The following SLC7A11 variants were observed in gnomAD, a reference collection of about 807,000 sequenced individuals.
SLC7A11 encodes solute carrier family 7 member 11, also known as cystine/glutamate transporter.
In SLC7A11, 35 loss-of-function variants were observed where a neutral mutation model predicts 54.5. That is an observed-to-expected ratio of 0.64 (90% CI 0.49 to 0.85). The LOEUF is 0.85. Ranked by LOEUF, SLC7A11 falls within the 40% of genes least tolerant of loss-of-function variation. The pLI is 0.00. For synonymous variants in SLC7A11, 230 were observed against 225.2 expected (o/e 1.02, Z -0.19); for missense variants, 583 against 618.1 (o/e 0.94, Z 0.60).
At chr4:138,178,655 C>T (rs117055103) in intron 11 of SLC7A11, among the ~76,000 whole-genome samples, 1,628 of 152,172 alleles carry the variant, frequency 0.011, 23 homozygotes, top group East Asian at 0.037. Context: ...TATTCCAGAA[C>T]TTAAAGTAAA....
chr4:138,181,227 G>A (rs917356184), intron 9 of SLC7A11, among the ~76,000 whole-genome samples: 18 of 152,024 alleles, frequency 1.2e-4, no homozygotes, highest in East Asian at 1.9e-4. Context: ...AATGCTCTCC[G>A]GTGAGCTCTT....
intron 6 of SLC7A11, among the ~76,000 whole-genome samples, chr4:138,204,394 T>C (rs980284324): frequency 6.6e-6 from 1 of 152,066 alleles, no homozygotes; most frequent in African/African-American, 2.4e-5. Context: ...GCAGATACTG[T>C]TTGTATTTTT....
At chr4:138,194,281 C>T (rs1737079698) in intron 6 of SLC7A11, among the ~76,000 whole-genome samples, 1 of 152,108 alleles carries the variant, frequency 6.6e-6, no homozygotes, top group African/African-American at 2.4e-5. Flanking sequence ...CCCTCCCTCT[C>T]CTCTCCTCAG....
chr4:138,219,277 T>C lies in SLC7A11; in HGVS notation c.735A>G (p.Ala245=), dbSNP rs771530822. The C allele has an allele frequency of 3.8e-6, 6 of 1,587,730 alleles. No homozygotes were observed. In the African/African-American group the frequency reaches 4.0e-5, roughly 11 times the overall value. The change falls in exon 5 of 12, where the codon GCA becomes GCG. Residue 245 remains alanine (A), a synonymous_variant. Transcript: ENST00000280612. ...LPLAFYYGMY[A]YAGWFYLNFV... ...AGCTATCAACTTACCAGCCAGCATATGCATACATTCCATAATAAAAAGCCA... is the reference window on the plus strand; with the variant it reads ...AGCTATCAACTTACCAGCCAGCATACGCATACATTCCATAATAAAAAGCCA...
chr4:138,241,706 C>T, intron 1 of SLC7A11, 87 bp downstream of exon 1: 1 of 1,100,436 alleles, frequency 9.1e-7, no homozygotes. Context: ...CATCCATTCA[C>T]TCCTCAAAAA....
chr4:138,165,721 A>T lies in SLC7A11; in HGVS notation c.*6235T>A, dbSNP rs1251833425. 2.0e-5 allele frequency: 3 copies of T among 152,298 alleles called. No homozygotes were observed. The highest frequency in any genetic ancestry group is 3.9e-4 in the East Asian group (2 of 5,190). The allele number at this position is 152,298 out of a possible 1,614,324, so 9.4% of individuals were successfully genotyped here. ...ATTCTAGGAATTGTCCTAAAAGAGT[A>T]AAGTGTTGTTTCCTTTCTGAACATG... is the stretch of plus-strand genomic sequence containing the variant. On this transcript the variant is annotated 3_prime_UTR_variant, in exon 12 of 12. Transcript: ENST00000280612.
rs369541439 is a variant in SLC7A11 at position 138,177,061 on chromosome 4, T to C, written c.1444+2156A>G. ...TCTTTGGGGAAACAAAATCCAGATA[T>C]AAATATTAGTATAAGATCTAAAGAT... On this transcript the variant is annotated intron_variant, in intron 11 of 11. Transcript: ENST00000280612. The C allele has an allele frequency of 2.6e-5, 4 of 152,166 alleles. No homozygotes were observed. In the East Asian group the frequency reaches 7.7e-4, roughly 29 times the overall value. 9.4% of individuals were successfully genotyped at this position (152,166 alleles called of 1,614,324 possible).
At chr4:138,230,190 G>A (rs529088858) in intron 3 of SLC7A11, among the ~76,000 whole-genome samples, 72 of 152,176 alleles carry the variant, frequency 4.7e-4, no homozygotes, top group African/African-American at 1.5e-3. Context: ...ATGTTTTCAC[G>A]TATAAGTGGG....
Position 138,184,873 on chromosome 4 carries a change from T to G in SLC7A11, c.915+248A>C, listed in dbSNP as rs77562268. On this transcript the variant is annotated intron_variant, in intron 7 of 11. Coordinates refer to ENST00000280612, the MANE Select transcript of SLC7A11 (RefSeq NM_014331.4). ...CTGGGAGAATAAGCTTTGGCAGATT[T>G]TCAAGCATGTATGTGTGAAACTGTT... Among the ~76,000 whole-genome samples the G allele has an allele frequency of 5.5e-3, 844 of 152,276 alleles. 4 individuals are homozygous for G. The highest frequency in any genetic ancestry group is 0.017 in the Middle Eastern group (5 of 294).
Position 138,171,806 on chromosome 4 carries a change from T to C in SLC7A11, c.*150A>G. 1 of 977,980 alleles carries C rather than the reference T, an allele frequency of 1.0e-6. No homozygotes were observed. The highest frequency in any genetic ancestry group is 1.7e-5 in the African/African-American group (1 of 58,246). 60.6% of individuals were successfully genotyped at this position (977,980 alleles called of 1,614,324 possible). A position where few individuals can be genotyped will look rare whatever the true frequency, so the allele number is the denominator to read the frequency against. ...TATAACTAAATTTCTTAGAAATTAG[T>C]TCGAATATGCTAAAATATATGAATA... On this transcript the variant is annotated 3_prime_UTR_variant, in exon 12 of 12. Transcript: ENST00000280612.
In SLC7A11 at chr4:138,223,284, G is replaced by A. The variant is rs751386859; in HGVS notation, c.561C>T (p.Ser187=). The change falls in exon 4 of 12, where the codon AGC becomes AGT. Residue 187 remains serine, a synonymous_variant. Transcript: ENST00000280612. ...AGGTTAAGAAAATCTGGATCCGGGC[G>A]CTCCAGCTGACACTCATGCTATTTA... The part of the protein sequence containing the change: ...MVLNSMSVSW[S]ARIQIFLTFC... 4 of 1,613,522 alleles carry A rather than the reference G, an allele frequency of 2.5e-6. No homozygotes were observed. Among genetic ancestry groups the A allele is most frequent in the East Asian group, 4.5e-5 (2 of 44,860 alleles).
Position 138,232,227 on chromosome 4 carries a change from G to A in SLC7A11, c.520+40C>T, listed in dbSNP as rs553576924. 8 of 1,286,928 alleles carry A rather than the reference G, an allele frequency of 6.2e-6. No individual in the cohort carries two copies. In the African/African-American group the frequency reaches 1.2e-4, roughly 19 times the overall value. 79.7% of individuals were successfully genotyped at this position (1,286,928 alleles called of 1,614,324 possible). ...ACACTTTGTCTTCAATCATTTTTGT[G>A]TTGTTTTTCCTTTTTCACATATATA... On this transcript the variant is annotated intron_variant, in intron 3 of 11. Transcript: ENST00000280612.
At chr4:138,188,068 T>A (rs189422935) in intron 6 of SLC7A11, among the ~76,000 whole-genome samples, 3,232 of 151,880 alleles carry the variant, frequency 0.021, 53 homozygotes, top group Non-Finnish European at 0.03. Flanking sequence ...TTTAAAAAAA[T>A]TTTCTTTTTT....
At position 138,242,348 on chromosome 4, in the gene SLC7A11, C is replaced by G. The variant is rs541017141; in HGVS notation, c.-279G>C. On this transcript the variant is annotated 5_prime_UTR_variant, in exon 1 of 12. Coordinates refer to ENST00000280612, the MANE Select transcript of SLC7A11 (RefSeq NM_014331.4). ...GCTGCTGCCGCCCTATCATTACAAA[C>G]CAGCTCAGCTTCCTCATGGGCTTGT... 4.3e-6 allele frequency: 2 copies of G among 468,460 alleles called. No individual in the cohort carries two copies. The highest frequency in any genetic ancestry group is 4.5e-5 in the South Asian group (2 of 44,108). 29.0% of individuals were successfully genotyped at this position (468,460 alleles called of 1,614,324 possible). A position where few individuals can be genotyped will look rare whatever the true frequency, so the allele number is the denominator to read the frequency against.
intron 6 of SLC7A11, among the ~76,000 whole-genome samples, chr4:138,191,168 T>C (rs1737005613): frequency 6.6e-6 from 1 of 152,206 alleles, no homozygotes; most frequent in African/African-American, 2.4e-5. Flanking sequence ...TCATGCTTAA[T>C]GATGATTCTG....
At chr4:138,220,259 A>G (rs1361996428) in intron 4 of SLC7A11, among the ~76,000 whole-genome samples, 1 of 152,056 alleles carries the variant, frequency 6.6e-6, no homozygotes, top group Non-Finnish European at 1.5e-5. Flanking sequence ...TTATAGATAA[A>G]GTTTTCTTTA....
At position 138,225,171 on chromosome 4, in the gene SLC7A11, T is replaced by TATATATAA. The variant is rs1491164718; in HGVS notation, c.521-1848_521-1847insTTATATAT. Among the ~76,000 whole-genome samples the TATATATAA allele has an allele frequency of 3.8e-5, 5 of 131,488 alleles. No homozygotes were observed. The East Asian group carries it at 1.1e-3, about 30-fold the overall frequency. The allele number at this position is 131,488 out of a possible 152,430, so 86.3% of individuals were successfully genotyped here. A position where few individuals can be genotyped will look rare whatever the true frequency, so the allele number is the denominator to read the frequency against. ...ATATATATATATATATATATATATA[T>TATATATAA]AAATAAAATCATTACATTGTACACC... On this transcript the variant is annotated intron_variant, in intron 3 of 11. Transcript: ENST00000280612.
intron 3 of SLC7A11, among the ~76,000 whole-genome samples, chr4:138,225,081 G>A (rs1187570214): frequency 6.3e-5 from 9 of 143,018 alleles, no homozygotes. Context: ...AAAAAAAGAG[G>A]GGTAACTAAA....
intron 6 of SLC7A11, among the ~76,000 whole-genome samples, chr4:138,196,685 G>A (rs560170806): frequency 1.3e-5 from 2 of 150,726 alleles, no homozygotes; most frequent in South Asian, 4.2e-4. Flanking sequence ...TTTAGACAGA[G>A]CCTCACTCTT....
Sources: gnomAD v4.1 joint callset for allele counts (sites outside exome capture counted in the v4.1 genomes callset) on GRCh38, gnomAD v4.1.1 for gene constraint, MANE v1.5 for transcripts, NCBI Gene and HGNC (gene_info 2026-07-23, HGNC 2026-07-21) for gene names.